The following ANGPT1 variants were observed in gnomAD, a reference collection of about 807,000 sequenced individuals.
ANGPT1 encodes angiopoietin 1.
A neutral mutation model predicts 62.2 loss-of-function variants in ANGPT1; 17 were observed. The observed-to-expected ratio is 0.27, with a 90% CI of 0.19 to 0.41. The LOEUF is 0.41. Ranked by LOEUF, ANGPT1 falls within the 10% of genes least tolerant of loss-of-function variation. ANGPT1 has a pLI of 1.00. For synonymous variants in ANGPT1, 199 were observed against 198.9 expected (o/e 1.00, Z 0.00); for missense variants, 478 against 594.9 (o/e 0.80, Z 2.04).
chr8:107,484,225 C>T (rs1812757971), intron 1 of ANGPT1, among the ~76,000 whole-genome samples: 1 of 152,138 alleles, frequency 6.6e-6, no homozygotes. Context: ...TCAAATTCTG[C>T]AATCTGCCTC....
intron 1 of ANGPT1, among the ~76,000 whole-genome samples, chr8:107,350,019 TGAG>T (rs1336184993): frequency 1.3e-5 from 2 of 152,064 alleles, no homozygotes; most frequent in Non-Finnish European, 2.9e-5. Context: ...AGCCATGAAA[TGAG>T]GAGTTTGCAC....
chr8:107,407,268 G>GTTT (rs5893857), intron 1 of ANGPT1, among the ~76,000 whole-genome samples: 6 of 149,250 alleles, frequency 4.0e-5, no homozygotes, highest in African/African-American at 7.4e-5. Context: ...TGTAGACCAT[G>GTTT]TTTTTTTTTT....
At chr8:107,305,667 T>A (rs952490840) in intron 4 of ANGPT1, among the ~76,000 whole-genome samples, 1 of 152,096 alleles carries the variant, frequency 6.6e-6, no homozygotes, top group Admixed American at 6.6e-5. Context: ...ATTATGGTTA[T>A]ATTATGGATT....
At position 107,350,641 on chromosome 8, in the gene ANGPT1, A is replaced by G. The variant is rs562770323; in HGVS notation, c.298-3544T>C. On this transcript the variant is annotated intron_variant, in intron 1 of 8. Transcript: ENST00000517746. ...GTTGTAGATATAAAGTAAGTCTCCA[A>G]CCTACACTAAAATGCTCATTTAGGC... 2.0e-5 allele frequency among the ~76,000 whole-genome samples: 3 copies of G among 152,232 alleles called. No individual in the cohort carries two copies. In the East Asian group the frequency reaches 5.8e-4, roughly 29 times the overall value.
chr8:107,423,458 C>A (rs1810947326), intron 1 of ANGPT1, among the ~76,000 whole-genome samples: 1 of 152,082 alleles, frequency 6.6e-6, no homozygotes, highest in South Asian at 2.1e-4. Flanking sequence ...AAGACCTGGG[C>A]CCCCGAAAGG....
At chr8:107,454,857 T>C (rs1811875259) in intron 1 of ANGPT1, among the ~76,000 whole-genome samples, 1 of 152,076 alleles carries the variant, frequency 6.6e-6, no homozygotes, top group Admixed American at 6.6e-5. Context: ...TATGCTCTTA[T>C]TGAGAAGGCA....
intron 1 of ANGPT1, among the ~76,000 whole-genome samples, chr8:107,491,058 TC>T (rs1225608766): frequency 6.6e-6 from 1 of 152,214 alleles, no homozygotes; most frequent in African/African-American, 2.4e-5. Flanking sequence ...CTCATGGACT[TC>T]ATTTATTTCC....
chr8:107,265,432 C>G (rs142279337), intron 7 of ANGPT1, among the ~76,000 whole-genome samples: 1,619 of 152,266 alleles, frequency 0.011, 18 homozygotes, highest in Middle Eastern at 0.02. Context: ...TTCTGGGCAA[C>G]GTAGTGCTTA....
chr8:107,317,722 C>T (rs773859394), intron 4 of ANGPT1, among the ~76,000 whole-genome samples: 1 of 151,640 alleles, frequency 6.6e-6, no homozygotes, highest in Non-Finnish European at 1.5e-5. Context: ...CCTTCGCCTC[C>T]TGGGTTCAAG....
chr8:107,302,585 T>C (rs1465326839), intron 5 of ANGPT1, among the ~76,000 whole-genome samples: 1 of 151,972 alleles, frequency 6.6e-6, no homozygotes, highest in Non-Finnish European at 1.5e-5. Context: ...CTTAACAGTA[T>C]TGAATGAAGG....
chr8:107,419,391 A>C (rs1810839090), intron 1 of ANGPT1, among the ~76,000 whole-genome samples: 1 of 152,172 alleles, frequency 6.6e-6, no homozygotes, highest in Non-Finnish European at 1.5e-5. Flanking sequence ...CCTCAAAGCT[A>C]TAAATGCCAG....
chr8:107,378,809 G>A (rs998592318), intron 1 of ANGPT1, among the ~76,000 whole-genome samples: 9 of 151,936 alleles, frequency 5.9e-5, no homozygotes, highest in African/African-American at 1.9e-4. Flanking sequence ...TAAGTTTCCC[G>A]AGGCCTCCCC....
intron 7 of ANGPT1, chr8:107,283,976 C>A (rs1586186691): frequency 6.6e-6 from 1 of 152,262 alleles, no homozygotes; most frequent in Non-Finnish European, 1.5e-5. Flanking sequence ...AGTGTTCGTG[C>A]AATGAATCCA....
intron 5 of ANGPT1, chr8:107,294,258 C>T (rs1227440454): frequency 1.0e-5 from 4 of 398,640 alleles, no homozygotes; most frequent in Middle Eastern, 6.6e-4. Context: ...GAATAAATTA[C>T]ATGCACAAAT....
At chr8:107,252,732 G>A (rs1196524283) in intron 8 of ANGPT1, among the ~76,000 whole-genome samples, 4 of 152,168 alleles carry the variant, frequency 2.6e-5, no homozygotes, top group Non-Finnish European at 1.5e-5. Flanking sequence ...GAGTAACATG[G>A]AAATTCTATG....
At chr8:107,275,210 T>A (rs1241444083) in intron 7 of ANGPT1, among the ~76,000 whole-genome samples, 1 of 152,066 alleles carries the variant, frequency 6.6e-6, no homozygotes, top group African/African-American at 2.4e-5. Flanking sequence ...AAAGGCCGTA[T>A]CAGAGCAATA....
intron 1 of ANGPT1, among the ~76,000 whole-genome samples, chr8:107,488,112 G>A (rs766460240): frequency 6.6e-6 from 1 of 152,160 alleles, no homozygotes; most frequent in Non-Finnish European, 1.5e-5. Flanking sequence ...TTTGTGTCAT[G>A]TGAAATATGG....
chr8:107,351,927 A>C (rs960166508), intron 1 of ANGPT1, among the ~76,000 whole-genome samples: 2 of 152,200 alleles, frequency 1.3e-5, no homozygotes, highest in Non-Finnish European at 2.9e-5. Flanking sequence ...AGTTCATTGA[A>C]TCTTTAGAAC....
chr8:107,278,549 C>T (rs548807116), intron 7 of ANGPT1, among the ~76,000 whole-genome samples: 360 of 152,202 alleles, frequency 2.4e-3, no homozygotes, highest in Non-Finnish European at 4.5e-3. Context: ...CCCTGAATCC[C>T]CTTCATTGTA....
Sources: gnomAD v4.1 joint callset for allele counts (sites outside exome capture counted in the v4.1 genomes callset) on GRCh38, gnomAD v4.1.1 for gene constraint, MANE v1.5 for transcripts, NCBI Gene and HGNC (gene_info 2026-07-23, HGNC 2026-07-21) for gene names.